Variants in ALK observed in about 807,000 individuals in gnomAD.
ALK encodes the protein ALK receptor tyrosine kinase, also known as ALK tyrosine kinase receptor.
ALK carries 74 observed loss-of-function variants against 163.1 expected under a neutral mutation model. That is an observed-to-expected ratio of 0.45 (90% CI 0.38 to 0.55). The LOEUF (loss-of-function observed/expected upper bound fraction) is 0.55, where lower values mean the gene tolerates loss of function less well. Among genes scored for constraint, ALK ranks in the 20% least tolerant of loss-of-function variants. ALK has a pLI of 0.00. For missense variants in ALK, 2,063 were observed against 2,105.3 expected, an observed-to-expected ratio of 0.98 and a Z score of 0.39; for synonymous variants, 960 against 843.2, an observed-to-expected ratio of 1.14 and a Z score of -2.40.
At position 29,380,295 on chromosome 2, in the gene ALK, G is replaced by A. The variant is rs573956761; in HGVS notation, c.1282+3437C>T. Among the ~76,000 whole-genome samples the A allele has an allele frequency of 5.3e-5, 8 of 151,800 alleles. No individual in the cohort carries two copies. In the East Asian group the frequency reaches 7.8e-4, roughly 15 times the overall value. On this transcript the variant is annotated intron_variant, in intron 5 of 28. Transcript: ENST00000389048. ...TAATTTTTGTATTTTTAGTAGAGAC[G>A]GGGTTTCACCATGTTGGCCAGGATG...
At chr2:29,811,269 G>A (rs1664751731) in intron 1 of ALK, among the ~76,000 whole-genome samples, 1 of 152,132 alleles carries the variant, frequency 6.6e-6, no homozygotes, top group African/African-American at 2.4e-5. Flanking sequence ...CAAGAAATGA[G>A]ACATGAAGTA....
At chr2:29,488,013 A>G (rs768112273) in intron 4 of ALK, among the ~76,000 whole-genome samples, 1 of 151,806 alleles carries the variant, frequency 6.6e-6, no homozygotes, top group African/African-American at 2.4e-5. Context: ...ACTCTTTTAT[A>G]CTAGTTATAC....
intron 3 of ALK, among the ~76,000 whole-genome samples, chr2:29,648,703 T>C (rs1676954608): frequency 6.6e-6 from 1 of 152,172 alleles, no homozygotes; most frequent in Admixed American, 6.6e-5. Flanking sequence ...TCCACTACTT[T>C]CTTTTGACAT....
intron 9 of ALK, among the ~76,000 whole-genome samples, chr2:29,296,365 C>G (rs567083963): frequency 6.6e-6 from 1 of 152,346 alleles, no homozygotes; most frequent in African/African-American, 2.4e-5. Flanking sequence ...GCACCAGTCC[C>G]AATTCCGATT....
In ALK at chr2:29,220,745, T is replaced by TC. The variant is rs1573120189; in HGVS notation, c.3605dup (p.Asp1203ArgfsTer82). On this transcript the variant is annotated frameshift_variant, in exon 23 of 29. Coordinates refer to ENST00000389048, the MANE Select transcript of ALK (RefSeq NM_004304.5). LOFTEE classifies it high-confidence loss of function. ...TCTCTCGGAGGAAGGACTTGAGGTC[T>TC]CCCCCCGCCATGAGCTCCAGCAGGA... The TC allele has an allele frequency of 8.1e-6, 13 of 1,600,342 alleles. No homozygotes were observed. Among genetic ancestry groups the TC allele is most frequent in the African/African-American group, 1.3e-5 (1 of 74,338 alleles).
intron 1 of ALK, among the ~76,000 whole-genome samples, chr2:29,802,900 T>A (rs2148366161): frequency 6.6e-6 from 1 of 151,836 alleles, no homozygotes; most frequent in Admixed American, 6.6e-5. Flanking sequence ...AGCCATCCCC[T>A]CAACACTGAC....
At chr2:29,538,464 T>C (rs1425688270) in intron 3 of ALK, among the ~76,000 whole-genome samples, 1 of 152,218 alleles carries the variant, frequency 6.6e-6, no homozygotes, top group Admixed American at 6.5e-5. Flanking sequence ...TGGCTCCTTG[T>C]TGCCTTCTGT....
intron 3 of ALK, among the ~76,000 whole-genome samples, chr2:29,586,242 T>C (rs1259534349): frequency 7.3e-5 from 6 of 82,096 alleles, no homozygotes; most frequent in African/African-American, 2.0e-4. Flanking sequence ...GATATTAACA[T>C]TTTTTTTTTT....
chr2:29,753,879 C>A (rs1393164036), intron 1 of ALK, among the ~76,000 whole-genome samples: 1 of 152,216 alleles, frequency 6.6e-6, no homozygotes, highest in Non-Finnish European at 1.5e-5. Flanking sequence ...GCATTAGCAC[C>A]AAAATACAGT....
chr2:29,673,450 C>A (rs924239826), intron 3 of ALK, among the ~76,000 whole-genome samples: 1 of 134,714 alleles, frequency 7.4e-6, no homozygotes, highest in African/African-American at 3.0e-5. Flanking sequence ...TTCCCCATTG[C>A]TTGTTTTTCT....
chr2:29,576,797 G>A (rs551341109), intron 3 of ALK, among the ~76,000 whole-genome samples: 21 of 151,862 alleles, frequency 1.4e-4, no homozygotes, highest in Non-Finnish European at 2.1e-4. Context: ...CTGCACATTC[G>A]GGGGATCTAG....
intron 3 of ALK, among the ~76,000 whole-genome samples, chr2:29,682,281 T>C (rs902394589): frequency 6.6e-6 from 1 of 152,226 alleles, no homozygotes; most frequent in African/African-American, 2.4e-5. Flanking sequence ...TGGGCAATTA[T>C]GGATGCTCTC....
intron 1 of ALK, among the ~76,000 whole-genome samples, chr2:29,776,982 C>A (rs1339316877): frequency 6.6e-6 from 1 of 152,056 alleles, no homozygotes; most frequent in East Asian, 1.9e-4. Flanking sequence ...GGTTCTGACC[C>A]CCAATCTACC....
intron 5 of ALK, among the ~76,000 whole-genome samples, chr2:29,357,296 C>T (rs7569936): frequency 0.99 from 151,496 of 152,286 alleles, 75,362 homozygotes; most frequent in Middle Eastern, 1. Flanking sequence ...CTCATCTCCT[C>T]CTCATGACCA....
At chr2:29,414,455 C>A (rs1558313921) in intron 4 of ALK, among the ~76,000 whole-genome samples, 2 of 152,188 alleles carry the variant, frequency 1.3e-5, no homozygotes, top group Non-Finnish European at 2.9e-5. Context: ...TGCCAAAACC[C>A]TCTGCTTTGC....
At chr2:29,679,034 T>G (rs998542736) in intron 3 of ALK, among the ~76,000 whole-genome samples, 2 of 151,914 alleles carry the variant, frequency 1.3e-5, no homozygotes, top group Non-Finnish European at 2.9e-5. Flanking sequence ...TTTTGCTTCA[T>G]GTGTTTTGTG....
At chr2:29,265,317 CG>C (rs1216263439) in intron 11 of ALK, among the ~76,000 whole-genome samples, 4 of 152,036 alleles carry the variant, frequency 2.6e-5, no homozygotes, top group African/African-American at 7.2e-5. Flanking sequence ...TGTGCCTGGC[CG>C]AGCCCTGTGT....
chr2:29,194,572 T>C (rs1262191252), intron 28 of ALK, among the ~76,000 whole-genome samples: 1 of 152,156 alleles, frequency 6.6e-6, no homozygotes, highest in African/African-American at 2.4e-5. Flanking sequence ...CAATCTTGGC[T>C]CACTGCAACC....
At chr2:29,554,795 T>C (rs946985694) in intron 3 of ALK, among the ~76,000 whole-genome samples, 1 of 152,074 alleles carries the variant, frequency 6.6e-6, no homozygotes, top group South Asian at 2.1e-4. Context: ...CAGTACAAGA[T>C]ACAGGTCATA....
Sources: gnomAD v4.1 joint callset for allele counts (sites outside exome capture counted in the v4.1 genomes callset) on GRCh38, gnomAD v4.1.1 for gene constraint, MANE v1.5 for transcripts, NCBI Gene and HGNC (gene_info 2026-07-23, HGNC 2026-07-21) for gene names.